The following CMKLR2 variants were observed in gnomAD, a reference collection of about 807,000 sequenced individuals.
CMKLR2 encodes chemerin-like receptor 2.
CMKLR2 carries 18 observed loss-of-function variants against 23.0 expected under a neutral mutation model. The ratio of observed to expected loss-of-function variants is 0.78; its 90% CI spans 0.54 to 1.16. CMKLR2 has a LOEUF of 1.16. Ranked by LOEUF, CMKLR2 falls within the 50% of genes most tolerant of loss-of-function variation. The pLI, the probability that CMKLR2 is intolerant of heterozygous loss-of-function variation, is 0.00. For missense variants in CMKLR2, 401 were observed against 412.7 expected (o/e 0.97, Z 0.25); for synonymous variants, 158 against 158.9 (o/e 0.99, Z 0.05).
upstream of CMKLR2, among the ~76,000 whole-genome samples, chr2:206,216,536 C>T (rs1027243600): frequency 6.6e-6 from 1 of 152,124 alleles, no homozygotes; most frequent in Non-Finnish European, 1.5e-5. Context: ...CCTGCCTCAG[C>T]CTCCCAAAAT....
At chr2:206,180,015 C>T (rs938915815) in intron 1 of CMKLR2, among the ~76,000 whole-genome samples, 1 of 152,146 alleles carries the variant, frequency 6.6e-6, no homozygotes. Flanking sequence ...TTCCTCCCAA[C>T]CCTAGCCCAG....
At chr2:206,194,329 T>C (rs72944887) in intron 1 of CMKLR2, among the ~76,000 whole-genome samples, 8,012 of 151,894 alleles carry the variant, frequency 0.053, 274 homozygotes, top group East Asian at 0.15. Flanking sequence ...TACAAAGGAG[T>C]ATAGGATAAG....
At chr2:206,198,313 G>T (rs1055968793) in intron 1 of CMKLR2, among the ~76,000 whole-genome samples, 1 of 152,180 alleles carries the variant, frequency 6.6e-6, no homozygotes. Context: ...ACTTAGGAGA[G>T]ATGGTTCTAA....
intron 1 of CMKLR2, among the ~76,000 whole-genome samples, chr2:206,210,461 CTT>C (rs35951489): frequency 7.7e-4 from 111 of 144,920 alleles, no homozygotes; most frequent in East Asian, 2.4e-3. Context: ...CATTTTTACT[CTT>C]TTTTTTTTTT....
chr2:206,194,232 G>A lies in CMKLR2; in HGVS notation c.-28-16957C>T, dbSNP rs561417634. Among the ~76,000 whole-genome samples the A allele has an allele frequency of 2.0e-5, 3 of 152,292 alleles. No individual in the cohort carries two copies. The East Asian group carries it at 5.8e-4, about 29-fold the overall frequency. ...CTGTTTCAACACAGCAGCAAAAGGA[G>A]GGGGAGGAGGACAATTCTAGAACTT... is the stretch of plus-strand genomic sequence containing the variant. On this transcript the variant is annotated intron_variant, in intron 1 of 1. Coordinates refer to ENST00000621141, the MANE Select transcript of CMKLR2 (RefSeq NM_001389445.1).
At chr2:206,189,045 C>T (rs1043845748) in intron 1 of CMKLR2, among the ~76,000 whole-genome samples, 8 of 152,100 alleles carry the variant, frequency 5.3e-5, no homozygotes, top group Non-Finnish European at 1.2e-4. Context: ...TTCCTTCTGG[C>T]AGAACATTTG....
intron 1 of CMKLR2, among the ~76,000 whole-genome samples, chr2:206,181,295 A>C (rs1688405220): frequency 6.6e-6 from 1 of 151,924 alleles, no homozygotes; most frequent in South Asian, 2.1e-4. Context: ...CCTGACCTCA[A>C]GTAATCTGCC....
At chr2:206,202,502 C>A (rs1277307121) in intron 1 of CMKLR2, among the ~76,000 whole-genome samples, 6 of 152,104 alleles carry the variant, frequency 3.9e-5, no homozygotes, top group Non-Finnish European at 7.3e-5. Flanking sequence ...GCTCAGTTGC[C>A]CAGACTGGAG....
chr2:206,206,641 T>G (rs1397429169), intron 1 of CMKLR2, among the ~76,000 whole-genome samples: 2 of 152,218 alleles, frequency 1.3e-5, no homozygotes, highest in Non-Finnish European at 2.9e-5. Flanking sequence ...ACTACATATG[T>G]GGAGGCTTAT....
At position 206,206,475 on chromosome 2, in the gene CMKLR2, G is replaced by A. The variant is rs1292730985; in HGVS notation, c.-29+6832C>T. Among the ~76,000 whole-genome samples the A allele has an allele frequency of 3.3e-5, 5 of 152,310 alleles. No individual in the cohort carries two copies. In the East Asian group the frequency reaches 9.6e-4, roughly 29 times the overall value. On this transcript the variant is annotated intron_variant, in intron 1 of 1. Transcript: ENST00000621141. ...CTTTTATCTCCTAAACTTGCTGGTG[G>A]TTTTGGAATTAAAGAGAAAATCGCG...
chr2:206,177,013 G>C lies in CMKLR2; in HGVS notation c.235C>G (p.Leu79Val). The C allele has an allele frequency of 1.2e-6, 2 of 1,614,140 alleles. No homozygotes were observed. Among genetic ancestry groups the C allele is most frequent in the Non-Finnish European group, 1.7e-6 (2 of 1,179,964 alleles). ...AGAAAAATGAAATCCGCAATGGCTA[G>C]ATTGAGGAACCACAGAGTGGTGACT... ...KTVTTLWFLN[L>V]AIADFIFLLF... is the part of the protein sequence containing the mutation. The change falls in exon 2 of 2, where the codon CTA becomes GTA. Residue 79 changes from leucine to valine, a missense_variant. By Grantham distance (32) the Leu-to-Val change is conservative. Coordinates refer to ENST00000621141, the MANE Select transcript of CMKLR2 (RefSeq NM_001389445.1).
chr2:206,215,329 T>C (rs887366361), upstream of CMKLR2, among the ~76,000 whole-genome samples: 4 of 152,216 alleles, frequency 2.6e-5, no homozygotes, highest in African/African-American at 9.6e-5. Flanking sequence ...CTATGTTCTG[T>C]AATCCACAAA....
intron 1 of CMKLR2, among the ~76,000 whole-genome samples, chr2:206,185,361 G>C (rs1268501662): frequency 6.6e-6 from 1 of 152,178 alleles, no homozygotes; most frequent in East Asian, 1.9e-4. Context: ...CAGAGGTGAG[G>C]GAATTAGTCG....
chr2:206,182,939 G>C (rs935503805), intron 1 of CMKLR2, among the ~76,000 whole-genome samples: 2 of 152,014 alleles, frequency 1.3e-5, no homozygotes, highest in African/African-American at 4.8e-5. Flanking sequence ...CTATCATCAG[G>C]ATCTTGGCTT....
chr2:206,214,784 C>T (rs566430506), upstream of CMKLR2, among the ~76,000 whole-genome samples: 4 of 151,920 alleles, frequency 2.6e-5, no homozygotes, highest in South Asian at 2.1e-4. Context: ...CCACCACGCC[C>T]GGCTAATTTT....
chr2:206,209,633 G>GT (rs1462494169), intron 1 of CMKLR2, among the ~76,000 whole-genome samples: 1 of 141,046 alleles, frequency 7.1e-6, no homozygotes, highest in Non-Finnish European at 1.5e-5. Flanking sequence ...GCCGTGTTTG[G>GT]TTTTCTTTTC....
intron 1 of CMKLR2, among the ~76,000 whole-genome samples, chr2:206,199,607 C>A (rs977878558): frequency 5.0e-5 from 7 of 140,304 alleles, no homozygotes; most frequent in African/African-American, 1.8e-4. Context: ...TTTTTTTTTT[C>A]CCCCGAAATG....
intron 1 of CMKLR2, among the ~76,000 whole-genome samples, chr2:206,186,859 T>C (rs898310103): frequency 2.0e-5 from 3 of 148,906 alleles, no homozygotes; most frequent in African/African-American, 7.4e-5. Context: ...GGCAGAATCA[T>C]AGCTCACTAG....
intron 1 of CMKLR2, among the ~76,000 whole-genome samples, chr2:206,191,739 C>T (rs571990495): frequency 3.2e-4 from 47 of 148,842 alleles, no homozygotes; most frequent in African/African-American, 1.1e-3. Flanking sequence ...GTGATGTTGG[C>T]TCACTGCAGC....
Sources: allele counts gnomAD v4.1 joint callset (sites outside exome capture counted in the v4.1 genomes callset), GRCh38; gene constraint gnomAD v4.1.1; transcripts MANE v1.5; gene names NCBI Gene and HGNC (gene_info 2026-07-23, HGNC 2026-07-21).